Variants in CNTN1 observed in about 807,000 individuals in gnomAD.
CNTN1 encodes the protein contactin 1.
Under a neutral mutation model 126.4 loss-of-function variants are expected in CNTN1, and 38 were observed. The observed-to-expected ratio is 0.30, with a 90% CI of 0.23 to 0.39. The LOEUF (loss-of-function observed/expected upper bound fraction) is 0.39. Among genes scored for constraint, CNTN1 ranks in the 10% least tolerant of loss-of-function variants. The probability of loss-of-function intolerance (pLI) is 1.00; values close to 1 mark genes in which losing one functional copy is unlikely to be tolerated. For missense variants in CNTN1, 1,009 were observed against 1,248.4 expected (o/e 0.81, Z 2.89); for synonymous variants, 413 against 422.6 (o/e 0.98, Z 0.28).
intron 15 of CNTN1, chr12:40,971,367 T>G: frequency 7.4e-7 from 1 of 1,359,764 alleles, no homozygotes; most frequent in Non-Finnish European, 1.0e-6. Flanking sequence ...ATCCCCCAAG[T>G]GCATGGCTTC....
At chr12:40,733,229 T>G (rs536504755) in intron 1 of CNTN1, among the ~76,000 whole-genome samples, 1 of 152,134 alleles carries the variant, frequency 6.6e-6, no homozygotes, top group Admixed American at 6.6e-5. Context: ...TAAAATACAA[T>G]GTTGCCTCCT....
At chr12:41,048,943 T>C (rs528787513) in intron 23 of CNTN1, among the ~76,000 whole-genome samples, 1 of 152,298 alleles carries the variant, frequency 6.6e-6, no homozygotes, top group South Asian at 2.1e-4. Flanking sequence ...TCCAATCAGA[T>C]TTTCACCACA....
intron 23 of CNTN1, 72 bp from the exon 24 acceptor site, chr12:41,069,887 T>G: frequency 1.6e-6 from 2 of 1,254,620 alleles, no homozygotes; most frequent in Non-Finnish European, 2.3e-6. Flanking sequence ...TCGCCTTAGC[T>G]GAAGCAGACT....
chr12:40,822,626 G>A (rs1941488742), intron 1 of CNTN1, among the ~76,000 whole-genome samples: 1 of 151,878 alleles, frequency 6.6e-6, no homozygotes, highest in South Asian at 2.1e-4. Context: ...ATGGCTTTTT[G>A]TCATATGGAA....
chr12:40,846,401 G>C lies in CNTN1; in HGVS notation c.-76-61956G>C, dbSNP rs544200439. On this transcript the variant is annotated intron_variant, in intron 1 of 23. Coordinates refer to ENST00000551295, the MANE Select transcript of CNTN1 (RefSeq NM_001843.4). Reference sequence around the variant, plus strand: ...GAGAATGGCGTGAATCCCGGGGGCGGAGCCTGCAGTGAGCCGAGATTGCGC... The same window carrying C: ...GAGAATGGCGTGAATCCCGGGGGCGCAGCCTGCAGTGAGCCGAGATTGCGC... Among the ~76,000 whole-genome samples the C allele has an allele frequency of 8.5e-5, 13 of 152,334 alleles. 1 individual carries two copies. The highest frequency in any genetic ancestry group is 5.2e-4 in the Admixed American group (8 of 15,306).
chr12:40,924,309 G>T (rs1232346021), intron 5 of CNTN1, among the ~76,000 whole-genome samples: 3 of 151,984 alleles, frequency 2.0e-5, no homozygotes, highest in Non-Finnish European at 4.4e-5. Flanking sequence ...GATTTTCAGG[G>T]TTGTCAGAAT....
At chr12:40,924,881 C>CATATATATATATATATAT (rs138237336) in intron 6 of CNTN1, among the ~76,000 whole-genome samples, 1,851 of 111,982 alleles carry the variant, frequency 0.017, 135 homozygotes, top group African/African-American at 0.049. Context: ...AGTTTATAAA[C>CATATATATATATATATAT]ATATATATAT....
intron 1 of CNTN1, among the ~76,000 whole-genome samples, chr12:40,696,445 A>G (rs1052297776): frequency 2.6e-5 from 4 of 152,240 alleles, no homozygotes; most frequent in African/African-American, 7.2e-5. Flanking sequence ...CCAGTAGGCA[A>G]GTTATCAAAA....
At chr12:40,880,782 T>A (rs930346223) in intron 1 of CNTN1, among the ~76,000 whole-genome samples, 2 of 152,110 alleles carry the variant, frequency 1.3e-5, no homozygotes, top group Admixed American at 1.3e-4. Flanking sequence ...AGGAACTTGT[T>A]TTTATCCTTC....
intron 1 of CNTN1, chr12:40,742,238 C>G (rs1023784322): frequency 6.6e-6 from 1 of 152,090 alleles, no homozygotes; most frequent in Non-Finnish European, 1.5e-5. Flanking sequence ...TTATCCTGCT[C>G]TTTCACTGTT....
At chr12:40,925,127 C>G (rs1165882279) in intron 6 of CNTN1, among the ~76,000 whole-genome samples, 2 of 151,592 alleles carry the variant, frequency 1.3e-5, no homozygotes, top group Non-Finnish European at 2.9e-5. Flanking sequence ...GAATAATCAT[C>G]TACTTTATAA....
intron 1 of CNTN1, among the ~76,000 whole-genome samples, chr12:40,731,623 A>G (rs534340283): frequency 4.2e-4 from 64 of 152,146 alleles, no homozygotes; most frequent in African/African-American, 1.3e-3. Context: ...CCAAGTATGC[A>G]ATATACCATA....
At chr12:40,909,157 AGT>A (rs1317489139) in intron 2 of CNTN1, among the ~76,000 whole-genome samples, 1 of 152,118 alleles carries the variant, frequency 6.6e-6, no homozygotes, top group Admixed American at 6.5e-5. Context: ...AGTAATCTAC[AGT>A]GTGTGTAGGG....
At chr12:40,715,356 G>C (rs1367701070) in intron 1 of CNTN1, among the ~76,000 whole-genome samples, 1 of 152,090 alleles carries the variant, frequency 6.6e-6, no homozygotes, top group Non-Finnish European at 1.5e-5. Context: ...AAATGATAAT[G>C]ATGCCAAGAG....
intron 1 of CNTN1, among the ~76,000 whole-genome samples, chr12:40,857,981 G>A (rs1362104476): frequency 6.6e-6 from 1 of 152,148 alleles, no homozygotes; most frequent in Non-Finnish European, 1.5e-5. Flanking sequence ...ATTTCTTTGG[G>A]TTAGGAGCAT....
intron 17 of CNTN1, among the ~76,000 whole-genome samples, chr12:41,001,635 C>G (rs565818010): frequency 6.6e-6 from 1 of 152,142 alleles, no homozygotes; most frequent in Non-Finnish European, 1.5e-5. Context: ...GCTATTGTTA[C>G]AATTGCTTTT....
At chr12:40,867,673 G>C (rs925109573) in intron 1 of CNTN1, among the ~76,000 whole-genome samples, 1 of 152,162 alleles carries the variant, frequency 6.6e-6, no homozygotes, top group South Asian at 2.1e-4. Context: ...CTTTAGGACA[G>C]ATAATTTTTG....
chr12:40,742,357 A>G (rs1937979872), intron 1 of CNTN1: 1 of 152,076 alleles, frequency 6.6e-6, no homozygotes, highest in African/African-American at 2.4e-5. Context: ...CAACAGCTGA[A>G]CTGAATTTAC....
At chr12:40,873,257 G>A (rs1314382245) in intron 1 of CNTN1, among the ~76,000 whole-genome samples, 1 of 152,076 alleles carries the variant, frequency 6.6e-6, no homozygotes, top group African/African-American at 2.4e-5. Context: ...CAAATTGCAA[G>A]AATTATCATT....
Sources: allele counts gnomAD v4.1 joint callset (sites outside exome capture counted in the v4.1 genomes callset), GRCh38; gene constraint gnomAD v4.1.1; transcripts MANE v1.5; gene names NCBI Gene and HGNC (gene_info 2026-07-23, HGNC 2026-07-21).